Variants in MEAK7 observed in about 807,000 individuals in gnomAD.
MEAK7 encodes MTOR associated protein MEAK7.
MEAK7 carries 68 observed loss-of-function variants against 40.5 expected under a neutral mutation model. The observed-to-expected ratio is 1.68, with a 90% confidence interval of 1.38 to 2.06. The LOEUF is 2.06. MEAK7 is among the 30% of genes most tolerant of loss of function. The pLI, the probability that MEAK7 is intolerant of heterozygous loss-of-function variation, is 0.00. For missense variants in MEAK7, 918 were observed against 580.5 expected (o/e 1.58, Z -5.98); for synonymous variants, 338 against 231.9 (o/e 1.46, Z -4.16).
intron 1 of MEAK7, among the ~76,000 whole-genome samples, chr16:84,501,334 G>C (rs1026946855): frequency 2.6e-5 from 4 of 151,930 alleles, no homozygotes; most frequent in African/African-American, 9.7e-5. Context: ...GGGCACGTGG[G>C]GGAGGGCAGC....
intron 2 of MEAK7, among the ~76,000 whole-genome samples, chr16:84,496,801 T>A (rs1013830843): frequency 6.6e-6 from 1 of 152,138 alleles, no homozygotes. Context: ...CTCTCCTGTC[T>A]TGTCATTCCT....
Position 84,476,398 on chromosome 16 carries a change from T to C in MEAK7, c.*3515A>G, listed in dbSNP as rs62048670. 1.3e-5 allele frequency: 2 copies of C among 152,166 alleles called. No homozygotes were observed. Among genetic ancestry groups the C allele is most frequent in the African/African-American group, 4.8e-5 (2 of 41,434 alleles). The allele number at this position is 152,166 out of a possible 1,614,324, so 9.4% of individuals were successfully genotyped here. ...TTTTAATACAGTTTTGCTGAAAACA[T>C]GGCAAACAGGCACCCCGGTATATTG... is the stretch of plus-strand genomic sequence containing the variant. On this transcript the variant is annotated 3_prime_UTR_variant, in exon 8 of 8. Transcript: ENST00000343629.
intron 3 of MEAK7, among the ~76,000 whole-genome samples, chr16:84,493,753 AAC>A (rs1322162857): frequency 1.3e-5 from 2 of 152,236 alleles, no homozygotes; most frequent in Non-Finnish European, 2.9e-5. Flanking sequence ...CATAATTGGA[AAC>A]ACTGGTTATT....
rs952215775 is a variant in MEAK7, at chr16:84,476,402, A to C, written c.*3511T>G. ...AATACAGTTTTGCTGAAAACATGGC[A>C]AACAGGCACCCCGGTATATTGAGTA... is the stretch of plus-strand genomic sequence containing the variant. On this transcript the variant is annotated 3_prime_UTR_variant, in exon 8 of 8. Transcript: ENST00000343629. 6 of 152,188 alleles carry C rather than the reference A, an allele frequency of 3.9e-5. No individual in the cohort carries two copies. Among genetic ancestry groups the C allele is most frequent in the African/African-American group, 1.4e-4 (6 of 41,428 alleles). 9.4% of individuals were successfully genotyped at this position (152,188 alleles called of 1,614,324 possible).
chr16:84,497,876 CCA>C (rs1389445770), intron 2 of MEAK7, 56 bp downstream of exon 2: 29 of 1,605,870 alleles, frequency 1.8e-5, no homozygotes, highest in South Asian at 2.2e-5. Flanking sequence ...GGCCTGAAAG[CCA>C]CAGTTTGCAG....
chr16:84,497,542 C>CA, intron 2 of MEAK7: 2 of 1,292,474 alleles, frequency 1.5e-6, no homozygotes, highest in East Asian at 1.1e-4. Context: ...GGACGTGGTT[C>CA]AAGAGACACA....
intron 3 of MEAK7, among the ~76,000 whole-genome samples, chr16:84,493,109 G>A (rs1021378792): frequency 1.2e-4 from 19 of 152,178 alleles, no homozygotes; most frequent in African/African-American, 4.6e-4. Flanking sequence ...ATTAGTATGT[G>A]TTCCAAAATT....
At chr16:84,493,951 G>A (rs1567500592) in intron 3 of MEAK7, among the ~76,000 whole-genome samples, 1 of 152,154 alleles carries the variant, frequency 6.6e-6, no homozygotes, top group Non-Finnish European at 1.5e-5. Context: ...GGACCTCAAA[G>A]AGAGAGGAAT....
chr16:84,479,860 C>G lies in MEAK7; in HGVS notation c.*53G>C. 1 of 1,415,896 alleles carries G rather than the reference C, an allele frequency of 7.1e-7. No homozygotes were observed. The allele number at this position is 1,415,896 out of a possible 1,614,324, so 87.7% of individuals were successfully genotyped here. Reference sequence around the variant, plus strand: ...GAGGGAAGAGGGGCTGCAGGCGTTGCCCTCTACCCAGAGGAATCCAGGTCC... The same window carrying G: ...GAGGGAAGAGGGGCTGCAGGCGTTGGCCTCTACCCAGAGGAATCCAGGTCC... On this transcript the variant is annotated 3_prime_UTR_variant, in exon 8 of 8. Transcript: ENST00000343629.
intron 1 of MEAK7, chr16:84,499,974 C>G (rs368817538): frequency 4.6e-5 from 7 of 152,380 alleles, no homozygotes; most frequent in Admixed American, 2.0e-4. Flanking sequence ...GACGTCAAGG[C>G]TGCAGTGAGC....
Position 84,482,692 on chromosome 16 carries a change from A to C in MEAK7, c.977T>G (p.Leu326Arg). ...AGCCATGCTGGGGCAGATGGAGAAC[A>C]GGAAGCATCTGTTGTCCCCTGAAAG... ...PQFQGDNRCFLFSICPSMAVY... is the reference protein window; with the variant it reads ...PQFQGDNRCFRFSICPSMAVY... Residue 326 changes from leucine to arginine, a missense_variant, in exon 6 of 8, where the codon CTG becomes CGG. Leu to Arg is a moderately radical substitution (Grantham distance 102). Transcript: ENST00000343629. The C allele has an allele frequency of 6.2e-7, 1 of 1,614,240 alleles. No homozygotes were observed. Among genetic ancestry groups the C allele is most frequent in the Non-Finnish European group, 8.5e-7 (1 of 1,180,028 alleles).
intron 4 of MEAK7, chr16:84,487,320 G>A (rs1388688533): frequency 2.3e-6 from 1 of 427,560 alleles, no homozygotes; most frequent in East Asian, 4.1e-5. Context: ...CATATTATTA[G>A]AATCAGTTTT....
At chr16:84,487,932 CA>C (rs1913239088) in intron 4 of MEAK7, 3 of 152,190 alleles carry the variant, frequency 2.0e-5, no homozygotes, top group Admixed American at 6.5e-5. Context: ...CTTGCTGACA[CA>C]AAGGCCCCAT....
At position 84,486,938 on chromosome 16, in the gene MEAK7, G is replaced by A; in HGVS notation, c.651C>T (p.Gly217=). The change falls in exon 5 of 8, where the codon GGC becomes GGT. Residue 217 remains glycine, a synonymous_variant. Coordinates refer to ENST00000343629, the MANE Select transcript of MEAK7 (RefSeq NM_020947.4). ...CAAGAGACGAGCACAGGATGAGAAA[G>A]CCCTTGCAAATGACCACACTCAGGA... The part of the protein sequence containing the change: ...AIFLSVVICK[G]FLILCSSLDL... The A allele has an allele frequency of 1.2e-6, 2 of 1,614,194 alleles. No individual in the cohort carries two copies. Among genetic ancestry groups the A allele is most frequent in the South Asian group, 1.1e-5 (1 of 91,082 alleles).
At chr16:84,483,299 G>A in intron 5 of MEAK7, among the ~76,000 whole-genome samples, 1 of 152,204 alleles carries the variant, frequency 6.6e-6, no homozygotes, top group East Asian at 1.9e-4. Context: ...GGAAACTATG[G>A]GTCCCCAGTC....
chr16:84,487,901 G>C (rs1056548978), intron 4 of MEAK7: 1 of 152,180 alleles, frequency 6.6e-6, no homozygotes, highest in Non-Finnish European at 1.5e-5. Flanking sequence ...AAGGAACAGA[G>C]GAGCTTTTAC....
At position 84,495,830 on chromosome 16, in the gene MEAK7, C is replaced by T. The variant is rs374570802; in HGVS notation, c.237G>A (p.Ala79=). 172 of 1,613,988 alleles carry T rather than the reference C, an allele frequency of 1.1e-4. No individual in the cohort carries two copies. Among genetic ancestry groups the T allele is most frequent in the Admixed American group, 1.8e-4 (11 of 59,978 alleles). The change falls in exon 3 of 8, where the codon GCG becomes GCA. Residue 79 remains alanine (A), a synonymous_variant. Transcript: ENST00000343629. ...GGGACACGTTCTCACTGGGTCCCTT[C>T]GCCTTCCCTGTCAGGTCGACCCTCC... The part of the protein sequence containing the change: ...GMRRVDLTGK[A]KGPSENVSQE...
Position 84,486,626 on chromosome 16 carries a change from C to A in MEAK7, c.958+5G>T. 1 of 1,597,392 alleles carries A rather than the reference C, an allele frequency of 6.3e-7. No individual in the cohort carries two copies. The highest frequency in any genetic ancestry group is 1.1e-5 in the South Asian group (1 of 88,214). On this transcript the variant is annotated splice_donor_5th_base_variant and intron_variant, in intron 5 of 7. Coordinates refer to ENST00000343629, the MANE Select transcript of MEAK7 (RefSeq NM_020947.4). ...CTCGTCAAGGTTCAGGACACCAAGT[C>A]TTACCTTGAAACTGAGGCTTCACCT...
chr16:84,481,806 T>C (rs1343074489), intron 6 of MEAK7, among the ~76,000 whole-genome samples: 2 of 152,004 alleles, frequency 1.3e-5, no homozygotes, highest in African/African-American at 2.4e-5. Context: ...TGATAGCGGG[T>C]GCCTGTGGTC....
Sources: gnomAD v4.1 joint callset for allele counts (sites outside exome capture counted in the v4.1 genomes callset) on GRCh38, gnomAD v4.1.1 for gene constraint, MANE v1.5 for transcripts, NCBI Gene and HGNC (gene_info 2026-07-23, HGNC 2026-07-21) for gene names.